The following AMZ1 variants were observed in gnomAD, a reference collection of about 807,000 sequenced individuals.
The protein encoded by AMZ1 is archaemetzincin-1.
AMZ1 carries 39 observed loss-of-function variants against 29.9 expected under a neutral mutation model. The ratio of observed to expected loss-of-function variants is 1.30; its 90% CI spans 1.01 to 1.70. AMZ1 has a LOEUF of 1.70. Ranked by LOEUF, AMZ1 falls within the 40% of genes most tolerant of loss-of-function variation. The pLI is 0.00. For synonymous variants in AMZ1, 458 were observed against 304.0 expected, an observed-to-expected ratio of 1.51 and a Z score of -5.27; for missense variants, 1,041 against 680.6, an observed-to-expected ratio of 1.53 and a Z score of -5.89.
chr7:2,757,886 T>C (rs1478317286), intron 4 of AMZ1, among the ~76,000 whole-genome samples: 1 of 152,176 alleles, frequency 6.6e-6, no homozygotes, highest in African/African-American at 2.4e-5. Flanking sequence ...TTTTTTCCTT[T>C]AATAGCTTAG....
upstream of AMZ1, chr7:2,763,191 A>ACACACACACACACACACACAC: frequency 4.6e-6 from 1 of 216,890 alleles, no homozygotes; most frequent in Admixed American, 6.5e-5. Flanking sequence ...AAGACACCCC[A>ACACACACACACACACACACAC]ACACACACAC....
chr7:2,706,928 C>A (rs56236647), intron 3 of AMZ1, among the ~76,000 whole-genome samples: 3 of 151,698 alleles, frequency 2.0e-5, no homozygotes, highest in African/African-American at 7.3e-5. Flanking sequence ...GAGACTGCAG[C>A]GTGAGCTGTG....
At chr7:2,722,316 G>A (rs1042012393), downstream of AMZ1, among the ~76,000 whole-genome samples, 15 of 151,172 alleles carry the variant, frequency 9.9e-5, no homozygotes, top group Admixed American at 8.6e-4. Flanking sequence ...TCTCTCGCCT[G>A]GGCTGGAGTG....
chr7:2,700,878 A>G (rs556895537), intron 2 of AMZ1, 123 bp downstream of exon 2: 4 of 1,318,622 alleles, frequency 3.0e-6, no homozygotes, highest in African/African-American at 1.5e-5. Flanking sequence ...TCCTGGGTGT[A>G]TGGGATGCCA....
chr7:2,761,725 T>C (rs988632436), upstream of AMZ1, among the ~76,000 whole-genome samples: 2 of 152,058 alleles, frequency 1.3e-5, no homozygotes, highest in Admixed American at 1.3e-4. Flanking sequence ...TAAAAAACAA[T>C]GAAGAGTTGA....
At chr7:2,748,516 G>T (rs1234173383) in intron 4 of AMZ1, among the ~76,000 whole-genome samples, 3 of 151,934 alleles carry the variant, frequency 2.0e-5, no homozygotes, top group Non-Finnish European at 2.9e-5. Flanking sequence ...AATTCAAGAT[G>T]GATTAAAGAC....
upstream of AMZ1, among the ~76,000 whole-genome samples, chr7:2,684,595 C>A (rs1016073116): frequency 6.6e-6 from 1 of 152,208 alleles, no homozygotes; most frequent in Non-Finnish European, 1.5e-5. Flanking sequence ...TAGACTCTGA[C>A]GAGGTAGCTT....
intron 1 of AMZ1, among the ~76,000 whole-genome samples, chr7:2,682,063 T>C (rs1327159568): frequency 6.6e-6 from 1 of 152,120 alleles, no homozygotes; most frequent in Non-Finnish European, 1.5e-5. Context: ...CTCTGGCTGC[T>C]CTCTGGAGGG....
chr7:2,733,526 A>G, intron 4 of AMZ1: 1 of 1,599,712 alleles, frequency 6.3e-7, no homozygotes, highest in Non-Finnish European at 8.6e-7. Flanking sequence ...GAATATTCAC[A>G]GCTCAGTCTG....
intron 1 of AMZ1, among the ~76,000 whole-genome samples, chr7:2,698,312 C>G (rs1007685151): frequency 6.6e-6 from 1 of 152,078 alleles, no homozygotes; most frequent in East Asian, 1.9e-4. Context: ...CAGAGGCAGT[C>G]GGATCACTTG....
At chr7:2,753,884 T>C (rs1791156098) in intron 4 of AMZ1, among the ~76,000 whole-genome samples, 1 of 152,156 alleles carries the variant, frequency 6.6e-6, no homozygotes, top group African/African-American at 2.4e-5. Flanking sequence ...TCCTTTTCAG[T>C]AAGGATCATC....
intron 4 of AMZ1, among the ~76,000 whole-genome samples, chr7:2,742,370 C>T (rs767126446): frequency 2.6e-5 from 4 of 152,060 alleles, no homozygotes; most frequent in African/African-American, 7.2e-5. Flanking sequence ...GGGGTTTTTG[C>T]GATGTCTCCA....
At position 2,702,909 on chromosome 7, in the gene AMZ1, G is replaced by T; in HGVS notation, c.472+20G>T. 2 of 1,570,872 alleles carry T rather than the reference G, an allele frequency of 1.3e-6. No individual in the cohort carries two copies. Among genetic ancestry groups the T allele is most frequent in the African/African-American group, 1.3e-5 (1 of 74,218 alleles). ...ACACAGGTGAGTGAGGACGGCAGCC[G>T]CCGCTCAGGCCAAGGCAGGCCCCTT... On this transcript the variant is annotated intron_variant, in intron 3 of 6. Coordinates refer to ENST00000683327, the MANE Select transcript of AMZ1 (RefSeq NM_001384743.1).
At position 2,709,800 on chromosome 7, in the gene AMZ1, TCATCGAGAGGTAC is replaced by T; in HGVS notation, c.935_947del (p.Ile312ArgfsTer70). 1 of 1,612,008 alleles carries T rather than the reference TCATCGAGAGGTAC, an allele frequency of 6.2e-7. No homozygotes were observed. Among genetic ancestry groups the T allele is most frequent in the Non-Finnish European group, 8.5e-7 (1 of 1,179,818 alleles). On this transcript the variant is annotated frameshift_variant, in exon 6 of 7. Transcript: ENST00000683327. LOFTEE classifies it low-confidence loss of function (END_TRUNC). ...CTGCAGCATGTCCTGGGTTTCAGGC[TCATCGAGAGGTAC>T]CAGGTGAGTGGCTGAGTTGCGCTGC...
chr7:2,712,513 G>A lies in AMZ1; in HGVS notation c.1132G>A (p.Ala378Thr), dbSNP rs774028213. 1.5e-5 allele frequency: 24 copies of A among 1,608,150 alleles called. No homozygotes were observed. The highest frequency in any genetic ancestry group is 4.4e-5 in the South Asian group (4 of 90,570). The change falls in exon 7 of 7, where the codon GCC becomes ACC. Residue 378 changes from alanine (A) to threonine (T), a missense_variant. Coordinates refer to ENST00000683327, the MANE Select transcript of AMZ1 (RefSeq NM_001384743.1). ...CCCTGATGCCGGGAGTCACACCTTC[G>A]CCTCGGGGCCAGAGGAAGGGCTGAG... Reference protein sequence around the residue: ...LTPDAGSHTFASGPEEGLSYL... With the variant: ...LTPDAGSHTFTSGPEEGLSYL...
intron 1 of AMZ1, among the ~76,000 whole-genome samples, chr7:2,682,440 T>C (rs1197416641): frequency 1.3e-5 from 2 of 152,154 alleles, no homozygotes; most frequent in Admixed American, 6.5e-5. Context: ...TTTGCATTCC[T>C]ACAGTGCTCC....
chr7:2,705,599 T>C (rs1254716309), intron 3 of AMZ1, among the ~76,000 whole-genome samples: 1 of 152,198 alleles, frequency 6.6e-6, no homozygotes, highest in Non-Finnish European at 1.5e-5. Context: ...TGTCTGGCCA[T>C]CTTTTGGCGG....
At position 2,712,807 on chromosome 7, in the gene AMZ1, A is replaced by G; in HGVS notation, c.1426A>G (p.Arg476Gly). The change falls in exon 7 of 7, where the codon AGG (arginine) becomes GGG (glycine). Residue 476 changes from arginine (R) to glycine (G), a missense_variant. By Grantham distance (125) the Arg-to-Gly change is moderately radical (BLOSUM62 -2). Transcript: ENST00000683327. ...GGGGGACAAGTTCTCCTCCCTGAGG[A>G]GGAAGCTGAGTGCCCGAAAACTCGC... is the stretch of plus-strand genomic sequence containing the variant. The part of the protein sequence containing the change: ...VLGDKFSSLR[R>G]KLSARKLARA... 1 of 1,542,132 alleles carries G rather than the reference A, an allele frequency of 6.5e-7. No homozygotes were observed. The highest frequency in any genetic ancestry group is 8.7e-7 in the Non-Finnish European group (1 of 1,142,946).
chr7:2,703,234 G>A (rs538911735), intron 3 of AMZ1, among the ~76,000 whole-genome samples: 97 of 152,146 alleles, frequency 6.4e-4, no homozygotes, highest in African/African-American at 2.2e-3. Flanking sequence ...GCAACCTCCC[G>A]GTTGAGGCAA....
Sources: allele counts gnomAD v4.1 joint callset (sites outside exome capture counted in the v4.1 genomes callset), GRCh38; gene constraint gnomAD v4.1.1; transcripts MANE v1.5; gene names NCBI Gene and HGNC (gene_info 2026-07-23, HGNC 2026-07-21).